Variants in C14orf132 observed in about 807,000 individuals in gnomAD.
C14orf132 encodes chromosome 14 open reading frame 132.
Under a neutral mutation model 5.8 loss-of-function variants are expected in C14orf132, and 6 were observed. The ratio of observed to expected loss-of-function variants is 1.03; its 90% CI spans 0.57 to 2.04. C14orf132 has a LOEUF of 2.04. C14orf132 is among the 30% of genes most tolerant of loss of function. The probability of loss-of-function intolerance (pLI) is 0.00; values close to 1 mark genes in which losing one functional copy is unlikely to be tolerated. For synonymous variants in C14orf132, 51 were observed against 49.8 expected (o/e 1.02, Z -0.10); for missense variants, 125 against 115.8 (o/e 1.08, Z -0.37).
intron 1 of C14orf132, among the ~76,000 whole-genome samples, chr14:96,068,162 C>T (rs1360103263): frequency 6.6e-6 from 1 of 152,204 alleles, no homozygotes; most frequent in Non-Finnish European, 1.5e-5. Flanking sequence ...CTTAACTGCA[C>T]CCTGCGTGGG....
At chr14:96,069,279 A>G (rs201527865) in intron 1 of C14orf132, among the ~76,000 whole-genome samples, 1 of 25,418 alleles carries the variant, frequency 3.9e-5, no homozygotes, top group Non-Finnish European at 7.1e-5. Flanking sequence ...ATATATATAT[A>G]TATATATATA....
intron 1 of C14orf132, among the ~76,000 whole-genome samples, chr14:96,065,219 C>T (rs1010365210): frequency 6.6e-6 from 1 of 152,056 alleles, no homozygotes; most frequent in East Asian, 1.9e-4. Context: ...ATACAGGTGC[C>T]CCTGGGGAGG....
At chr14:96,062,676 G>A (rs867350390) in intron 1 of C14orf132, among the ~76,000 whole-genome samples, 2 of 152,224 alleles carry the variant, frequency 1.3e-5, no homozygotes, top group Middle Eastern at 3.4e-3. Flanking sequence ...AGCTGCATCC[G>A]TGTCAGAACC....
intron 1 of C14orf132, among the ~76,000 whole-genome samples, chr14:96,065,928 C>T (rs1887515919): frequency 6.6e-6 from 1 of 152,114 alleles, no homozygotes; most frequent in Non-Finnish European, 1.5e-5. Context: ...CCAGCTCTTC[C>T]CCAAGGGAAA....
chr14:96,040,134 A>ACCCCCCCC (rs977196102), intron 1 of C14orf132: 3 of 69,604 alleles, frequency 4.3e-5, no homozygotes, highest in South Asian at 6.3e-4. Context: ...GAACCCCCCC[A>ACCCCCCCC]CCCCCCTCCC....
intron 1 of C14orf132, among the ~76,000 whole-genome samples, chr14:96,063,240 G>T (rs1338518532): frequency 1.3e-5 from 2 of 152,136 alleles, no homozygotes; most frequent in East Asian, 1.9e-4. Context: ...TAGGATGGAG[G>T]TTCCGTATAA....
At position 96,086,604 on chromosome 14, in the gene C14orf132, G is replaced by T; in HGVS notation, c.121G>T (p.Ala41Ser). The T allele has an allele frequency of 6.5e-7, 1 of 1,536,140 alleles. No individual in the cohort carries two copies. Among genetic ancestry groups the T allele is most frequent in the Non-Finnish European group, 8.7e-7 (1 of 1,146,906 alleles). ...TAACTCCTCTGCCAATGTCCACGCG[G>T]CTGCCAATGGCCAGGGCCAGCCGGA... ...LFNSSANVHA[A>S]ANGQGQPEDP... The change falls in exon 2 of 2, where the codon GCT becomes TCT. Residue 41 changes from alanine to serine, a missense_variant. Transcript: ENST00000555004.
rs934056340 is a variant in C14orf132, at chr14:96,089,537, T to G, written c.*2802T>G. ...TCCAGGGCACATTTACACAAGGCCC[T>G]GAATCTGCAGAGGCTGTTTCTCAAG... On this transcript the variant is annotated 3_prime_UTR_variant, in exon 2 of 2. Transcript: ENST00000555004. 6.6e-6 allele frequency: 1 copy of G among 152,398 alleles called. No individual in the cohort carries two copies. Among genetic ancestry groups the G allele is most frequent in the Non-Finnish European group, 1.5e-5 (1 of 68,206 alleles). 9.4% of individuals were successfully genotyped at this position (152,398 alleles called of 1,614,324 possible).
intron 1 of C14orf132, among the ~76,000 whole-genome samples, chr14:96,053,961 T>C (rs571746041): frequency 6.6e-6 from 1 of 152,308 alleles, no homozygotes; most frequent in African/African-American, 2.4e-5. Flanking sequence ...CCCTCAGGGC[T>C]AATGCAGTAA....
At chr14:96,085,953 GTCTC>G (rs903326379) in intron 1 of C14orf132, among the ~76,000 whole-genome samples, 10 of 146,156 alleles carry the variant, frequency 6.8e-5, no homozygotes, top group South Asian at 4.5e-4. Flanking sequence ...CTCTGTCTCT[GTCTC>G]TCTCTCTCAC....
chr14:96,046,988 C>A lies in C14orf132; in HGVS notation c.27+7461C>A, dbSNP rs538198871. ...GTCCCCAGAGGAACATATCGCTGCC[C>A]AGAAAAATAGAATTCTAGGGAGTCT... On this transcript the variant is annotated intron_variant, in intron 1 of 1. Transcript: ENST00000555004. Among the ~76,000 whole-genome samples the A allele has an allele frequency of 9.4e-4, 143 of 152,284 alleles. 1 individual carries two copies. Among genetic ancestry groups the A allele is most frequent in the Non-Finnish European group, 1.7e-3 (116 of 68,024 alleles).
chr14:96,050,793 G>A (rs1887004757), intron 1 of C14orf132, among the ~76,000 whole-genome samples: 1 of 151,998 alleles, frequency 6.6e-6, no homozygotes, highest in Admixed American at 6.5e-5. Flanking sequence ...GAGGGTCACT[G>A]TCCTTCATTG....
Position 96,086,543 on chromosome 14 carries a change from G to T in C14orf132, c.60G>T (p.Ser20=). 1 of 1,535,976 alleles carries T rather than the reference G, an allele frequency of 6.5e-7. No homozygotes were observed. The highest frequency in any genetic ancestry group is 8.7e-7 in the Non-Finnish European group (1 of 1,146,888). Residue 20 remains serine (S), a synonymous_variant, in exon 2 of 2, where the codon TCG becomes TCT. Transcript: ENST00000555004. ...LPMMGGAFMD[S]PNEDFSTEYS... ...TGATGGGGGGAGCTTTCATGGACTCGCCCAACGAGGACTTCAGCACCGAGT... is the reference window on the plus strand; with the variant it reads ...TGATGGGGGGAGCTTTCATGGACTCTCCCAACGAGGACTTCAGCACCGAGT...
intron 1 of C14orf132, among the ~76,000 whole-genome samples, chr14:96,080,549 C>A (rs140609196): frequency 3.3e-5 from 5 of 152,204 alleles, no homozygotes; most frequent in African/African-American, 1.2e-4. Context: ...CTGATAACCA[C>A]GCTTTGAAGA....
chr14:96,063,350 C>T (rs1294182659), intron 1 of C14orf132, among the ~76,000 whole-genome samples: 1 of 152,070 alleles, frequency 6.6e-6, no homozygotes, highest in Non-Finnish European at 1.5e-5. Flanking sequence ...GCTCTGTCAC[C>T]CAGGCTGGAG....
intron 1 of C14orf132, among the ~76,000 whole-genome samples, chr14:96,083,078 G>C (rs1034086641): frequency 5.9e-5 from 9 of 152,324 alleles, no homozygotes; most frequent in Non-Finnish European, 1.2e-4. Flanking sequence ...TACAGGTGCA[G>C]GGCAAAGGGG....
chr14:96,089,343 C>A lies in C14orf132; in HGVS notation c.*2608C>A, dbSNP rs1472756444. On this transcript the variant is annotated 3_prime_UTR_variant, in exon 2 of 2. Transcript: ENST00000555004. Reference sequence around the variant, plus strand: ...TTACAATCACCACACAGCATCATCGCCCCAGTGCACAGATGAGGAACCAGA... The same window carrying A: ...TTACAATCACCACACAGCATCATCGACCCAGTGCACAGATGAGGAACCAGA... The A allele has an allele frequency of 6.6e-6, 1 of 152,398 alleles. No individual in the cohort carries two copies. The highest frequency in any genetic ancestry group is 1.5e-5 in the Non-Finnish European group (1 of 68,130). 9.4% of individuals were successfully genotyped at this position (152,398 alleles called of 1,614,324 possible).
intron 1 of C14orf132, among the ~76,000 whole-genome samples, chr14:96,048,612 C>A (rs903363311): frequency 3.3e-5 from 5 of 151,836 alleles, no homozygotes; most frequent in South Asian, 2.1e-4. Flanking sequence ...GCAATCTCTG[C>A]CCCCCCGGGT....
Position 96,086,813 on chromosome 14 carries a change from G to A in C14orf132, c.*78G>A. 1 of 1,407,334 alleles carries A rather than the reference G, an allele frequency of 7.1e-7. No individual in the cohort carries two copies. Among genetic ancestry groups the A allele is most frequent in the Non-Finnish European group, 9.6e-7 (1 of 1,041,198 alleles). The allele number at this position is 1,407,334 out of a possible 1,614,324, so 87.2% of individuals were successfully genotyped here. On this transcript the variant is annotated 3_prime_UTR_variant, in exon 2 of 2. Transcript: ENST00000555004. Reference sequence around the variant, plus strand: ...TTGCTGTCGGCCTTTGGCTTCTCCTGTGTTCTAGAACCAGGAGTTTTGACC... The same window carrying A: ...TTGCTGTCGGCCTTTGGCTTCTCCTATGTTCTAGAACCAGGAGTTTTGACC...
Sources: gnomAD v4.1 joint callset for allele counts (sites outside exome capture counted in the v4.1 genomes callset) on GRCh38, gnomAD v4.1.1 for gene constraint, MANE v1.5 for transcripts, NCBI Gene and HGNC (gene_info 2026-07-23, HGNC 2026-07-21) for gene names.